FARS2: variants seen among roughly 807,000 people sequenced by gnomAD.
The protein encoded by FARS2 is phenylalanyl-tRNA synthetase 2, mitochondrial.
Under a neutral mutation model 46.4 loss-of-function variants are expected in FARS2, and 40 were observed. The observed-to-expected ratio is 0.86, with a 90% CI of 0.67 to 1.12. The LOEUF is 1.12. Ranked by LOEUF, FARS2 falls within the 50% of genes most tolerant of loss-of-function variation. The pLI is 0.00. For synonymous variants in FARS2, 234 were observed against 214.9 expected, an observed-to-expected ratio of 1.09 and a Z score of -0.78; for missense variants, 513 against 567.9, an observed-to-expected ratio of 0.90 and a Z score of 0.98.
intron 1 of FARS2, among the ~76,000 whole-genome samples, chr6:5,330,442 A>T (rs1770720968): frequency 6.6e-6 from 1 of 152,094 alleles, no homozygotes; most frequent in South Asian, 2.1e-4. Flanking sequence ...TGTGTTTCTT[A>T]TGCTGGCTCC....
chr6:5,436,051 CAAT>C (rs71743550), intron 4 of FARS2, among the ~76,000 whole-genome samples: 63,165 of 151,432 alleles, frequency 0.42, 13,778 homozygotes, highest in Non-Finnish European at 0.48. Context: ...TCACAGCATA[CAAT>C]ACACAGACAT....
intron 4 of FARS2, among the ~76,000 whole-genome samples, chr6:5,467,731 C>G (rs927600215): frequency 1.3e-5 from 2 of 152,132 alleles, no homozygotes; most frequent in African/African-American, 4.8e-5. Flanking sequence ...TTCTTCTTCT[C>G]TGGACCTCTG....
intron 5 of FARS2, among the ~76,000 whole-genome samples, chr6:5,575,794 C>G (rs984214394): frequency 6.6e-6 from 1 of 152,184 alleles, no homozygotes; most frequent in Non-Finnish European, 1.5e-5. Context: ...GGGCTTTCAT[C>G]TGAATTGGCA....
chr6:5,609,457 T>G, intron 5 of FARS2: 3 of 1,226,800 alleles, frequency 2.4e-6, no homozygotes, highest in South Asian at 2.4e-5. Flanking sequence ...CCAAATCCAT[T>G]ATAGCCATCC....
At chr6:5,370,256 T>G (rs1758971258) in intron 2 of FARS2, among the ~76,000 whole-genome samples, 2 of 152,210 alleles carry the variant, frequency 1.3e-5, no homozygotes, top group African/African-American at 4.8e-5. Flanking sequence ...CTCTCCTTTT[T>G]CTTTCTGTTT....
At chr6:5,546,790 A>G (rs1299612804) in intron 5 of FARS2, among the ~76,000 whole-genome samples, 4 of 150,868 alleles carry the variant, frequency 2.7e-5, no homozygotes, top group African/African-American at 9.8e-5. Context: ...TGAATTAATC[A>G]TTCCCCAGAT....
chr6:5,545,075 G>T, intron 4 of FARS2, 105 bp from the exon 5 acceptor site: 2 of 1,093,338 alleles, frequency 1.8e-6, no homozygotes, highest in Non-Finnish European at 1.3e-6. Context: ...GCCTTTGCCC[G>T]CTGGTAGGCA....
chr6:5,681,620 G>T (rs1779037475), intron 6 of FARS2, among the ~76,000 whole-genome samples: 1 of 152,232 alleles, frequency 6.6e-6, no homozygotes, highest in South Asian at 2.1e-4. Context: ...ACAACGAAAG[G>T]TGGGGAAATC....
intron 4 of FARS2, among the ~76,000 whole-genome samples, chr6:5,531,177 C>T (rs1769804770): frequency 2.0e-5 from 3 of 152,094 alleles, no homozygotes; most frequent in Non-Finnish European, 4.4e-5. Context: ...TATTTTATAT[C>T]ACTCACATCT....
chr6:5,451,028 G>A (rs1764461252), intron 4 of FARS2, among the ~76,000 whole-genome samples: 1 of 152,132 alleles, frequency 6.6e-6, no homozygotes, highest in African/African-American at 2.4e-5. Flanking sequence ...AGATACGATT[G>A]GAGGTGCTGT....
chr6:5,402,130 T>C (rs542376306), intron 2 of FARS2, among the ~76,000 whole-genome samples: 4 of 152,080 alleles, frequency 2.6e-5, no homozygotes, highest in Non-Finnish European at 5.9e-5. Context: ...GTTTTTCTCC[T>C]TTTCTTCAAT....
intron 1 of FARS2, among the ~76,000 whole-genome samples, chr6:5,341,229 A>ATTTTTTTTTT (rs1771607027): frequency 2.2e-4 from 1 of 4,476 alleles, no homozygotes; most frequent in African/African-American, 9.4e-4. Context: ...ATATATATAT[A>ATTTTTTTTTT]TATATATTTT....
chr6:5,732,261 G>T (rs1293428859), intron 6 of FARS2, among the ~76,000 whole-genome samples: 10 of 152,330 alleles, frequency 6.6e-5, no homozygotes, highest in Non-Finnish European at 1.5e-5. Flanking sequence ...GGAGTATCAT[G>T]ATTGAGAGAG....
chr6:5,327,418 C>T lies in FARS2; in HGVS notation c.-21-41132C>T, dbSNP rs565919550. 2.3e-4 allele frequency among the ~76,000 whole-genome samples: 35 copies of T among 152,208 alleles called. No homozygotes were observed. In the East Asian group the frequency reaches 2.7e-3, roughly 12 times the overall value. On this transcript the variant is annotated intron_variant, in intron 1 of 6. Coordinates refer to ENST00000274680, the MANE Select transcript of FARS2 (RefSeq NM_006567.5). ...CCCTAATTGTAGCCCATAATCCCCACGTGTCATGGGAGGGACCTGGTGGGA... is the reference window on the plus strand; with the variant it reads ...CCCTAATTGTAGCCCATAATCCCCATGTGTCATGGGAGGGACCTGGTGGGA...
At chr6:5,503,405 C>CACAG (rs888782982) in intron 4 of FARS2, among the ~76,000 whole-genome samples, 324 of 39,594 alleles carry the variant, frequency 8.2e-3, no homozygotes, top group Middle Eastern at 0.02. Context: ...CACACACACA[C>CACAG]AGAGAGAGAG....
intron 5 of FARS2, among the ~76,000 whole-genome samples, chr6:5,577,122 A>T (rs527293803): frequency 5.3e-5 from 8 of 152,182 alleles, no homozygotes; most frequent in Admixed American, 2.6e-4. Context: ...TACTTTTAAA[A>T]TAATGGTGTG....
At chr6:5,559,942 A>C (rs1275423698) in intron 5 of FARS2, among the ~76,000 whole-genome samples, 16 of 152,136 alleles carry the variant, frequency 1.1e-4, no homozygotes, top group Admixed American at 1.0e-3. Context: ...CCACATGGAA[A>C]AAAAATGAAA....
At chr6:5,604,635 C>T (rs969630000) in intron 5 of FARS2, among the ~76,000 whole-genome samples, 38 of 152,126 alleles carry the variant, frequency 2.5e-4, no homozygotes, top group African/African-American at 8.7e-4. Flanking sequence ...AAACATGCTG[C>T]ATTGAAAGTA....
chr6:5,704,404 T>C (rs954107487), intron 6 of FARS2, among the ~76,000 whole-genome samples: 1 of 152,216 alleles, frequency 6.6e-6, no homozygotes, highest in Non-Finnish European at 1.5e-5. Flanking sequence ...GGGTTAGGAT[T>C]TTAACATGAA....
Sources: allele counts gnomAD v4.1 joint callset (sites outside exome capture counted in the v4.1 genomes callset), GRCh38; gene constraint gnomAD v4.1.1; transcripts MANE v1.5; gene names NCBI Gene and HGNC (gene_info 2026-07-23, HGNC 2026-07-21).